Variants in ADAM20 observed in about 807,000 individuals in gnomAD.
The protein encoded by ADAM20 is disintegrin and metalloproteinase domain-containing protein 20.
For synonymous variants in ADAM20, 305 were observed against 310.2 expected, an observed-to-expected ratio of 0.98 and a Z score of 0.18; for missense variants, 871 against 883.2, an observed-to-expected ratio of 0.99 and a Z score of 0.18.
the ADAM20 span, among the ~76,000 whole-genome samples, chr14:70,566,327 T>G: frequency 6.6e-6 from 1 of 152,160 alleles, no homozygotes; most frequent in East Asian, 1.9e-4. Context: ...ATGGGTAGTT[T>G]TGTATGTGAG....
chr14:70,543,826 C>A, the ADAM20 span, among the ~76,000 whole-genome samples: 1 of 152,108 alleles, frequency 6.6e-6, no homozygotes, highest in Non-Finnish European at 1.5e-5. Flanking sequence ...ACACGCCATC[C>A]CTCGTCCTTT....
the ADAM20 span, among the ~76,000 whole-genome samples, chr14:70,542,179 T>A: frequency 6.6e-6 from 1 of 152,190 alleles, no homozygotes; most frequent in Non-Finnish European, 1.5e-5. Flanking sequence ...ATGAACAAAA[T>A]TTGGAGCATA....
chr14:70,524,250 G>A lies in ADAM20; in HGVS notation c.508C>T (p.Pro170Ser), dbSNP rs776962252. ...TCTTCTGTTAACCCACATCTCATAG[G>A]TGGAAACTGTGTATCATCACTGTCT... ...KIDSDDTQFP[P>S]MRCGLTEEKI... Residue 170 changes from proline (P) to serine (S), a missense_variant, in exon 2 of 2, where the codon CCT (proline) becomes TCT (serine). Transcript: ENST00000256389. 3.7e-6 allele frequency: 6 copies of A among 1,613,856 alleles called. No individual in the cohort carries two copies. The highest frequency in any genetic ancestry group is 1.6e-4 in the Middle Eastern group (1 of 6,078).
chr14:70,568,097 C>CA, the ADAM20 span, among the ~76,000 whole-genome samples: 16 of 152,094 alleles, frequency 1.1e-4, no homozygotes, highest in East Asian at 7.7e-4. Context: ...CACCACCAAA[C>CA]AAAAAACCTG....
chr14:70,542,467 A>G, the ADAM20 span, among the ~76,000 whole-genome samples: 5 of 152,154 alleles, frequency 3.3e-5, no homozygotes, highest in Admixed American at 1.3e-4. Context: ...CTGACCTGTG[A>G]TAAGTAAAGA....
At chr14:70,575,206 AT>A in the ADAM20 span, among the ~76,000 whole-genome samples, 3 of 150,738 alleles carry the variant, frequency 2.0e-5, no homozygotes, top group African/African-American at 4.9e-5. Context: ...ATATATATAT[AT>A]TTTTTGAGGC....
chr14:70,523,970 G>A lies in ADAM20; in HGVS notation c.788C>T (p.Ser263Leu). Residue 263 changes from serine to leucine, a missense_variant, in exon 2 of 2, where the codon TCA becomes TTA. Physicochemically the swap from Ser to Leu is moderately radical, Grantham distance 145. Coordinates refer to ENST00000256389, the MANE Select transcript of ADAM20 (RefSeq NM_003814.5). ...ILTGIDIWTASNPLPTSGDLD... is the reference protein window; with the variant it reads ...ILTGIDIWTALNPLPTSGDLD... ...GTCTCCACTGGTAGGAAGTGGATTT[G>A]ATGCAGTCCATATATCAATTCCAGT... 6.2e-7 allele frequency: 1 copy of A among 1,613,966 alleles called. No individual in the cohort carries two copies. The highest frequency in any genetic ancestry group is 1.1e-5 in the South Asian group (1 of 91,060).
In ADAM20 at chr14:70,525,857, G is replaced by C. The variant is rs184930240; in HGVS notation, c.-176-924C>G. Among the ~76,000 whole-genome samples the C allele has an allele frequency of 2.8e-4, 43 of 152,240 alleles. No individual in the cohort carries two copies. The East Asian group carries it at 8.3e-3, about 29-fold the overall frequency. ...TCTAAGGAAGGAAGGCATGTGATAG[G>C]GTAACAGGGAGTGAGGCAGCTGTTT... is the stretch of plus-strand genomic sequence containing the variant. On this transcript the variant is annotated intron_variant, in intron 1 of 1. Transcript: ENST00000256389.
the ADAM20 span, among the ~76,000 whole-genome samples, chr14:70,578,096 G>A: frequency 2.6e-5 from 4 of 152,068 alleles, no homozygotes; most frequent in Non-Finnish European, 5.9e-5. Context: ...AACTCACACA[G>A]AATAGGAGAA....
In ADAM20 at chr14:70,533,763, T is replaced by TAA. The variant is rs749475568; in HGVS notation, c.-177+1033_-177+1034insTT. ...GCACATGTATCCTAGAACTTAAAATTTAAAAAAAAAAAACCCTCTTAGAAA... is the reference window on the plus strand; with the variant it reads ...GCACATGTATCCTAGAACTTAAAATTAATAAAAAAAAAAAACCCTCTTAGAAA... On this transcript the variant is annotated intron_variant, in intron 1 of 1. Coordinates refer to ENST00000256389, the MANE Select transcript of ADAM20 (RefSeq NM_003814.5). Among the ~76,000 whole-genome samples the TAA allele has an allele frequency of 3.3e-4, 50 of 150,164 alleles. No homozygotes were observed. The South Asian group carries it at 6.8e-3, about 20-fold the overall frequency.
the ADAM20 span, among the ~76,000 whole-genome samples, chr14:70,562,601 A>G: frequency 6.6e-6 from 1 of 152,120 alleles, no homozygotes; most frequent in South Asian, 2.1e-4. Flanking sequence ...AGGTGACTGG[A>G]TCATAGGGCA....
At chr14:70,575,138 T>G in the ADAM20 span, among the ~76,000 whole-genome samples, 1 of 150,980 alleles carries the variant, frequency 6.6e-6, no homozygotes, top group Admixed American at 6.6e-5. Context: ...TACCTACAGT[T>G]AACAATATTG....
the ADAM20 span, among the ~76,000 whole-genome samples, chr14:70,542,046 G>C: frequency 6.6e-6 from 1 of 152,190 alleles, no homozygotes; most frequent in Admixed American, 6.5e-5. Flanking sequence ...AACTAATAGG[G>C]AGACTAGAGT....
chr14:70,539,070 G>A (rs146612582), upstream of ADAM20, among the ~76,000 whole-genome samples: 330 of 152,174 alleles, frequency 2.2e-3, 2 homozygotes, highest in African/African-American at 7.7e-3. Context: ...AGGTTGGACT[G>A]CCAGAACGAG....
At chr14:70,561,659 G>A in the ADAM20 span, among the ~76,000 whole-genome samples, 1 of 152,236 alleles carries the variant, frequency 6.6e-6, no homozygotes, top group Non-Finnish European at 1.5e-5. Context: ...GTGCAGCCTT[G>A]GGACGTGGGA....
chr14:70,571,717 A>G, the ADAM20 span, among the ~76,000 whole-genome samples: 1 of 152,226 alleles, frequency 6.6e-6, no homozygotes, highest in Non-Finnish European at 1.5e-5. Flanking sequence ...CTGTTGACAT[A>G]GTCCTGTACC....
chr14:70,566,564 T>C, the ADAM20 span, among the ~76,000 whole-genome samples: 12 of 151,858 alleles, frequency 7.9e-5, no homozygotes, highest in African/African-American at 2.9e-4. Context: ...GAAATAGCAA[T>C]AGTAAGCCCT....
At chr14:70,561,542 T>C in the ADAM20 span, among the ~76,000 whole-genome samples, 1 of 152,244 alleles carries the variant, frequency 6.6e-6, no homozygotes, top group South Asian at 2.1e-4. Flanking sequence ...GGGGAAAATG[T>C]CTGCAGGGTA....
intron 1 of ADAM20, among the ~76,000 whole-genome samples, chr14:70,528,687 A>C (rs1883645118): frequency 6.6e-6 from 1 of 152,160 alleles, no homozygotes; most frequent in Admixed American, 6.5e-5. Flanking sequence ...AAAATACACA[A>C]ACCCAAACCT....
Sources: allele counts gnomAD v4.1 joint callset (sites outside exome capture counted in the v4.1 genomes callset), GRCh38; gene constraint gnomAD v4.1.1; transcripts MANE v1.5; gene names NCBI Gene and HGNC (gene_info 2026-07-23, HGNC 2026-07-21).